The following HAT1 variants were observed in gnomAD, a reference collection of about 807,000 sequenced individuals.
HAT1 encodes the protein histone acetyltransferase type B catalytic subunit.
HAT1 carries 20 observed loss-of-function variants against 56.6 expected under a neutral mutation model. The observed-to-expected ratio is 0.35, with a 90% CI of 0.25 to 0.51. The LOEUF is 0.51. Among genes scored for constraint, HAT1 ranks in the 20% least tolerant of loss-of-function variants. The pLI is 0.95. For missense variants in HAT1, 408 were observed against 504.3 expected, an observed-to-expected ratio of 0.81 and a Z score of 1.83; for synonymous variants, 146 against 165.5, an observed-to-expected ratio of 0.88 and a Z score of 0.91.
intron 1 of HAT1, among the ~76,000 whole-genome samples, 182 bp from the exon 2 acceptor site, chr2:171,925,355 C>T (rs1291768266): frequency 6.6e-6 from 1 of 152,096 alleles, no homozygotes; most frequent in Non-Finnish European, 1.5e-5. Flanking sequence ...CAGGCGTGAG[C>T]CACCGTGCCC....
At chr2:171,923,106 T>G (rs1038060650) in intron 1 of HAT1, 1 of 152,336 alleles carries the variant, frequency 6.6e-6, no homozygotes, top group African/African-American at 2.4e-5. Context: ...AACTGCTCCC[T>G]TCTCTTTTAG....
chr2:171,978,242 G>C (rs1269532084), intron 9 of HAT1, among the ~76,000 whole-genome samples: 1 of 151,700 alleles, frequency 6.6e-6, no homozygotes, highest in African/African-American at 2.4e-5. Flanking sequence ...TTTTTGTAGA[G>C]ACAGGGTTCC....
intron 4 of HAT1, among the ~76,000 whole-genome samples, chr2:171,955,051 A>G (rs1687405362): frequency 6.6e-6 from 1 of 152,230 alleles, no homozygotes. Flanking sequence ...TACCTTGGTT[A>G]CAGCCCAGTG....
intron 9 of HAT1, among the ~76,000 whole-genome samples, chr2:171,977,562 T>TAA (rs1688019611): frequency 2.4e-5 from 1 of 41,328 alleles, no homozygotes; most frequent in African/African-American, 1.1e-4. Context: ...TATATATTTT[T>TAA]TTTTTTTTTT....
At chr2:171,956,685 T>C (rs780938599) in intron 4 of HAT1, among the ~76,000 whole-genome samples, 4 of 152,180 alleles carry the variant, frequency 2.6e-5, no homozygotes, top group Non-Finnish European at 4.4e-5. Context: ...CTGTAAGCAA[T>C]GAACTTGGAT....
chr2:171,961,318 C>T (rs1205627577), intron 4 of HAT1, among the ~76,000 whole-genome samples: 1 of 152,072 alleles, frequency 6.6e-6, no homozygotes, highest in African/African-American at 2.4e-5. Flanking sequence ...AAACAAAAAC[C>T]TCCTGCCTTT....
chr2:171,979,657 C>T (rs1443827202), intron 10 of HAT1: 2 of 219,970 alleles, frequency 9.1e-6, no homozygotes, highest in African/African-American at 4.8e-5. Context: ...AAAATACAAA[C>T]ATTAGCTAGG....
At chr2:171,977,747 C>A (rs1349723216) in intron 9 of HAT1, among the ~76,000 whole-genome samples, 2 of 151,196 alleles carry the variant, frequency 1.3e-5, no homozygotes, top group Non-Finnish European at 2.9e-5. Context: ...AGCCATTTCC[C>A]AACTCTGCCA....
chr2:171,946,157 G>A (rs1256582010), intron 2 of HAT1, among the ~76,000 whole-genome samples: 3 of 152,128 alleles, frequency 2.0e-5, no homozygotes, highest in Non-Finnish European at 4.4e-5. Context: ...GTTTTCTGCT[G>A]CCAGGAATTT....
intron 5 of HAT1, 120 bp downstream of exon 5, chr2:171,965,637 C>A (rs2105335224): frequency 1.0e-6 from 1 of 975,056 alleles, no homozygotes; most frequent in Non-Finnish European, 1.6e-6. Flanking sequence ...CATTATAAAC[C>A]AAGATCTATT....
At chr2:171,957,185 G>T (rs1395835707) in intron 4 of HAT1, among the ~76,000 whole-genome samples, 5 of 152,164 alleles carry the variant, frequency 3.3e-5, no homozygotes, top group Non-Finnish European at 7.3e-5. Context: ...CAGGAAACAG[G>T]CTAATAAAAC....
intron 8 of HAT1, among the ~76,000 whole-genome samples, chr2:171,974,055 C>T (rs145159613): frequency 0.019 from 2,833 of 151,296 alleles, 59 homozygotes; most frequent in Admixed American, 0.067. Context: ...GGCAAGCACC[C>T]GTGGGCCCAG....
At chr2:171,979,516 T>G (rs547972454) in intron 10 of HAT1, 153 bp downstream of exon 10, 1 of 557,980 alleles carries the variant, frequency 1.8e-6, no homozygotes, top group African/African-American at 1.9e-5. Context: ...TTATAAAAAT[T>G]CTCACTCATG....
intron 9 of HAT1, among the ~76,000 whole-genome samples, chr2:171,977,557 A>ATTT (rs1172067451): frequency 8.0e-4 from 13 of 16,344 alleles, no homozygotes; most frequent in South Asian, 3.8e-3. Context: ...ATATATATAT[A>ATTT]TTTTTTTTTT....
At chr2:171,957,430 A>G (rs987629246) in intron 4 of HAT1, among the ~76,000 whole-genome samples, 7 of 152,006 alleles carry the variant, frequency 4.6e-5, no homozygotes, top group Admixed American at 2.0e-4. Flanking sequence ...CTGTCCTACC[A>G]TTGTCTTTTG....
At chr2:171,977,557 A>ATATATATATT (rs1271452199) in intron 9 of HAT1, among the ~76,000 whole-genome samples, 7 of 16,330 alleles carry the variant, frequency 4.3e-4, no homozygotes, top group African/African-American at 6.5e-4. Flanking sequence ...ATATATATAT[A>ATATATATATT]TTTTTTTTTT....
chr2:171,925,096 G>A (rs1363968488), intron 1 of HAT1, among the ~76,000 whole-genome samples: 2 of 132,760 alleles, frequency 1.5e-5, no homozygotes, highest in African/African-American at 5.7e-5. Context: ...TTTTTGAGAT[G>A]GAGTCTTGCT....
intron 2 of HAT1, among the ~76,000 whole-genome samples, chr2:171,935,590 G>A (rs190281389): frequency 7.6e-4 from 113 of 149,232 alleles, no homozygotes; most frequent in Middle Eastern, 3.8e-3. Flanking sequence ...TTAGAATTGG[G>A]GTATGGTTGG....
Position 171,966,949 on chromosome 2 carries a change from G to T in HAT1, c.823G>T (p.Ala275Ser). The change falls in exon 8 of 11, where the codon GCG becomes TCG. Residue 275 changes from alanine to serine, a missense_variant and splice_region_variant. Transcript: ENST00000264108. Reference sequence around the variant, plus strand: ...ATTTCCTACAGTTCTTGATATTACAGGTATGTAAAATTTGATTTGTTACTG... The same window carrying T: ...ATTTCCTACAGTTCTTGATATTACATGTATGTAAAATTTGATTTGTTACTG... ...TEFPTVLDIT[A>S]EDPSKSYVKL... is the part of the protein sequence containing the mutation. 1 of 1,289,322 alleles carries T rather than the reference G, an allele frequency of 7.8e-7. No homozygotes were observed. Among genetic ancestry groups the T allele is most frequent in the Non-Finnish European group, 1.1e-6 (1 of 898,632 alleles). 79.9% of individuals were successfully genotyped at this position (1,289,322 alleles called of 1,614,324 possible). A position where few individuals can be genotyped will look rare whatever the true frequency, so the allele number is the denominator to read the frequency against.
Sources: allele counts gnomAD v4.1 joint callset (sites outside exome capture counted in the v4.1 genomes callset), GRCh38; gene constraint gnomAD v4.1.1; transcripts MANE v1.5; gene names NCBI Gene and HGNC (gene_info 2026-07-23, HGNC 2026-07-21).